The following MACROD2 variants were observed in gnomAD, a reference collection of about 807,000 sequenced individuals.
The protein encoded by MACROD2 is ADP-ribose glycohydrolase MACROD2.
A neutral mutation model predicts 70.4 loss-of-function variants in MACROD2; 36 were observed. The observed-to-expected ratio is 0.51, with a 90% CI of 0.39 to 0.68. The LOEUF (loss-of-function observed/expected upper bound fraction) is 0.68, where lower values mean the gene tolerates loss of function less well. Ranked by LOEUF, MACROD2 falls within the 30% of genes least tolerant of loss-of-function variation. MACROD2 has a pLI of 0.00. For missense variants in MACROD2, 496 were observed against 538.4 expected (o/e 0.92, Z 0.78); for synonymous variants, 172 against 178.8 (o/e 0.96, Z 0.30).
chr20:14,709,406 C>T (rs2071310787), intron 5 of MACROD2, among the ~76,000 whole-genome samples: 1 of 152,092 alleles, frequency 6.6e-6, no homozygotes, highest in Admixed American at 6.5e-5. Flanking sequence ...CACACACTCT[C>T]ACACACTCAC....
chr20:15,233,967 TTTTATATATATTTATTTATATATATA>T lies in MACROD2; in HGVS notation c.540+3908_540+3933del, dbSNP rs1433379181. Among the ~76,000 whole-genome samples the T allele has an allele frequency of 2.1e-4, 10 of 48,606 alleles. 1 individual carries two copies. Among genetic ancestry groups the T allele is most frequent in the African/African-American group, 3.4e-4 (4 of 11,898 alleles). The allele number at this position is 48,606 out of a possible 152,430, so 31.9% of individuals were successfully genotyped here. On this transcript the variant is annotated intron_variant, in intron 6 of 17. Coordinates refer to ENST00000684519, the MANE Select transcript of MACROD2 (RefSeq NM_001351661.2). ...TTACCCTTGGATCCAAAAAATTTATTTTTATATATATTTATTTATATATATATATATATATATATATATTCTTTTTT... is the reference window on the plus strand; with the variant it reads ...TTACCCTTGGATCCAAAAAATTTATTTATATATATATATATATTCTTTTTT...
chr20:15,045,086 G>T (rs1315682091), intron 5 of MACROD2, among the ~76,000 whole-genome samples: 1 of 152,034 alleles, frequency 6.6e-6, no homozygotes, highest in Admixed American at 6.6e-5. Flanking sequence ...AATCCTGAGT[G>T]CACCAGTTTC....
intron 4 of MACROD2, among the ~76,000 whole-genome samples, chr20:14,560,308 T>TACACACAC (rs1232499100): frequency 0.05 from 7,312 of 147,378 alleles, 223 homozygotes; most frequent in South Asian, 0.075. Context: ...GTACTTAATG[T>TACACACAC]ACACACACAC....
chr20:14,276,779 G>C (rs1490491926), intron 3 of MACROD2, among the ~76,000 whole-genome samples: 4 of 152,036 alleles, frequency 2.6e-5, no homozygotes, highest in African/African-American at 9.7e-5. Flanking sequence ...ATTATTTTCT[G>C]ATATCTGACA....
chr20:15,305,646 T>C (rs949052389), intron 6 of MACROD2, among the ~76,000 whole-genome samples: 1 of 149,220 alleles, frequency 6.7e-6, no homozygotes, highest in Non-Finnish European at 1.5e-5. Context: ...CAATGCTGAG[T>C]TGATAAAATT....
Position 15,773,589 on chromosome 20 carries a change from T to G in MACROD2, c.646-89156T>G, listed in dbSNP as rs192564445. Among the ~76,000 whole-genome samples, 299 of 152,292 alleles carry G rather than the reference T, an allele frequency of 2.0e-3. 1 individual carries two copies. The highest frequency in any genetic ancestry group is 6.8e-3 in the African/African-American group (281 of 41,580). On this transcript the variant is annotated intron_variant, in intron 8 of 17. Transcript: ENST00000684519. Reference sequence around the variant, plus strand: ...TAGCCCAAGCCCTGTTAGCCAAGTATATTACTGTGATTTATTTTGACACTT... The same window carrying G: ...TAGCCCAAGCCCTGTTAGCCAAGTAGATTACTGTGATTTATTTTGACACTT...
chr20:15,065,670 A>T (rs552379789), intron 5 of MACROD2, among the ~76,000 whole-genome samples: 2 of 151,854 alleles, frequency 1.3e-5, no homozygotes, highest in Non-Finnish European at 2.9e-5. Flanking sequence ...AAAAAAAAAA[A>T]AGAGAAAGTA....
At chr20:15,831,796 C>T (rs1425470958) in intron 8 of MACROD2, among the ~76,000 whole-genome samples, 7 of 152,174 alleles carry the variant, frequency 4.6e-5, no homozygotes, top group Non-Finnish European at 8.8e-5. Context: ...CTATCAGGTG[C>T]TGGATAGCAA....
intron 5 of MACROD2, among the ~76,000 whole-genome samples, chr20:14,790,787 A>T (rs2123801492): frequency 6.6e-6 from 1 of 152,234 alleles, no homozygotes; most frequent in East Asian, 1.9e-4. Context: ...AGTGGAGTTT[A>T]GACCACAAAC....
chr20:15,285,744 G>A (rs755521816), intron 6 of MACROD2, among the ~76,000 whole-genome samples: 6 of 152,022 alleles, frequency 3.9e-5, no homozygotes, highest in Admixed American at 1.3e-4. Flanking sequence ...CTTTTATTTC[G>A]ATGTATGGCA....
chr20:14,521,373 G>A (rs2085167709), intron 4 of MACROD2, among the ~76,000 whole-genome samples: 2 of 152,142 alleles, frequency 1.3e-5, no homozygotes, highest in Non-Finnish European at 2.9e-5. Flanking sequence ...AGGAGATTAA[G>A]CTGCTAATAA....
chr20:15,509,641 G>A (rs1432594618), intron 8 of MACROD2, among the ~76,000 whole-genome samples: 3 of 152,154 alleles, frequency 2.0e-5, no homozygotes. Context: ...GAAGTAGAGT[G>A]GTAAGAGGTA....
intron 4 of MACROD2, among the ~76,000 whole-genome samples, chr20:14,512,807 T>C (rs1277405713): frequency 6.6e-6 from 1 of 152,098 alleles, no homozygotes; most frequent in East Asian, 1.9e-4. Flanking sequence ...GGAAACACCT[T>C]TCCTCACTCA....
intron 5 of MACROD2, among the ~76,000 whole-genome samples, chr20:15,055,988 T>C (rs2075481993): frequency 6.6e-6 from 1 of 152,048 alleles, no homozygotes; most frequent in South Asian, 2.1e-4. Context: ...GGTTTCACCA[T>C]GTTGGCCAGG....
At chr20:15,516,589 G>A (rs147670884) in intron 8 of MACROD2, among the ~76,000 whole-genome samples, 1,975 of 152,222 alleles carry the variant, frequency 0.013, 34 homozygotes, top group Non-Finnish European at 0.016. Flanking sequence ...CTCTGGGTGC[G>A]TTCTGGTTTG....
At chr20:14,782,350 ACTAT>A (rs1380374627) in intron 5 of MACROD2, among the ~76,000 whole-genome samples, 3 of 152,152 alleles carry the variant, frequency 2.0e-5, no homozygotes, top group Non-Finnish European at 4.4e-5. Context: ...TAGGGCCTTA[ACTAT>A]CTATTCAGAA....
chr20:15,573,676 G>T (rs569360483), intron 8 of MACROD2, among the ~76,000 whole-genome samples: 8 of 152,046 alleles, frequency 5.3e-5, no homozygotes, highest in Non-Finnish European at 1.2e-4. Context: ...CCTACCCTTT[G>T]GTTCCTTAGG....
intron 17 of MACROD2, among the ~76,000 whole-genome samples, chr20:16,049,033 A>G (rs73898355): frequency 0.13 from 19,472 of 152,224 alleles, 1,353 homozygotes; most frequent in Middle Eastern, 0.22. Context: ...GAAGCATTAC[A>G]CTGAGTGAAA....
chr20:15,354,265 C>T (rs868585482), intron 6 of MACROD2, among the ~76,000 whole-genome samples: 7 of 152,076 alleles, frequency 4.6e-5, no homozygotes, highest in Non-Finnish European at 8.8e-5. Context: ...AAACCAAACA[C>T]CACACGTTCT....
Sources: gnomAD v4.1 joint callset for allele counts (sites outside exome capture counted in the v4.1 genomes callset) on GRCh38, gnomAD v4.1.1 for gene constraint, MANE v1.5 for transcripts, NCBI Gene and HGNC (gene_info 2026-07-23, HGNC 2026-07-21) for gene names.